Variants in ZNF865 observed in about 807,000 individuals in gnomAD.
ZNF865 encodes the protein zinc finger protein 865.
For synonymous variants in ZNF865, 763 were observed against 750.8 expected, an observed-to-expected ratio of 1.02 and a Z score of -0.27; for missense variants, 1,311 against 1,593.4, an observed-to-expected ratio of 0.82 and a Z score of 3.02.
rs1981384723 is a variant in ZNF865 at position 55,616,965 on chromosome 19, C to T, written c.*167C>T. On this transcript the variant is annotated 3_prime_UTR_variant, in exon 2 of 2. Transcript: ENST00000568956. ...CCGACAGGCTCAAGACTGAATCACTCCCATCCTCGACCTCTCTGCCCTCCC... is the reference window on the plus strand; with the variant it reads ...CCGACAGGCTCAAGACTGAATCACTTCCATCCTCGACCTCTCTGCCCTCCC... 1 of 637,302 alleles carries T rather than the reference C, an allele frequency of 1.6e-6. No individual in the cohort carries two copies. Among genetic ancestry groups the T allele is most frequent in the African/African-American group, 1.9e-5 (1 of 52,268 alleles). 39.5% of individuals were successfully genotyped at this position (637,302 alleles called of 1,614,324 possible). A position where few individuals can be genotyped will look rare whatever the true frequency, so the allele number is the denominator to read the frequency against.
intron 1 of ZNF865, among the ~76,000 whole-genome samples, chr19:55,608,291 A>T (rs1310310108): frequency 2.0e-5 from 3 of 146,410 alleles, no homozygotes; most frequent in African/African-American, 5.0e-5. Context: ...GAGACTGTGG[A>T]GGTCATTGTA....
rs1042149207 is a variant in ZNF865, at chr19:55,611,032, C to T, written c.-26-2561C>T. Among the ~76,000 whole-genome samples, 4 of 152,148 alleles carry T rather than the reference C, an allele frequency of 2.6e-5. No individual in the cohort carries two copies. In the East Asian group the frequency reaches 5.8e-4, roughly 22 times the overall value. On this transcript the variant is annotated intron_variant, in intron 1 of 1. Coordinates refer to ENST00000568956, the MANE Select transcript of ZNF865 (RefSeq NM_001195605.2). The surrounding 1 kb of genome is among the most constrained non-coding windows in gnomAD (Gnocchi z 4.5). ...AGTTCTCCCCTCACCTTTGTTCACT[C>T]GGGGAACAGCCCAGTGAAACACTGC...
Position 55,616,649 on chromosome 19 carries a change from C to CA in ZNF865, c.3032dup (p.His1011GlnfsTer121). On this transcript the variant is annotated frameshift_variant, in exon 2 of 2. Transcript: ENST00000568956. LOFTEE classifies it low-confidence loss of function (END_TRUNC). Reference sequence around the variant, plus strand: ...CTACTTCCGTAAGCACCTGGCTGCCCACCAGGGCGGCCGGCCCTTCCGCTG... The same window carrying CA: ...CTACTTCCGTAAGCACCTGGCTGCCCAACCAGGGCGGCCGGCCCTTCCGCTG... The CA allele has an allele frequency of 6.5e-7, 1 of 1,529,406 alleles. No homozygotes were observed. The highest frequency in any genetic ancestry group is 8.7e-7 in the Non-Finnish European group (1 of 1,143,708). The allele number at this position is 1,529,406 out of a possible 1,614,324, so 94.7% of individuals were successfully genotyped here.
At position 55,613,912 on chromosome 19, in the gene ZNF865, GTCC is replaced by G. The variant is rs761424663; in HGVS notation, c.309_311del (p.Ser117del). On this transcript the variant is annotated inframe_deletion, in exon 2 of 2. Transcript: ENST00000568956. ...AGGTGCCCTCCTCGTCCTCGTCCTC[GTCC>G]TCCTCCTCCTCCTCTTCGTCCTCCT... The G allele has an allele frequency of 3.9e-4, 584 of 1,502,588 alleles. 1 individual carries two copies. Among genetic ancestry groups the G allele is most frequent in the East Asian group, 4.8e-4 (19 of 39,950 alleles). The allele number at this position is 1,502,588 out of a possible 1,614,324, so 93.1% of individuals were successfully genotyped here.
In ZNF865 at chr19:55,613,806, G is replaced by GCCCCCC; in HGVS notation, c.189_194dup (p.Pro65_Pro66dup). The GCCCCCC allele has an allele frequency of 6.9e-7, 1 of 1,456,328 alleles. No individual in the cohort carries two copies. The highest frequency in any genetic ancestry group is 1.3e-5 in the South Asian group (1 of 75,724). The allele number at this position is 1,456,328 out of a possible 1,614,324, so 90.2% of individuals were successfully genotyped here. Reference sequence around the variant, plus strand: ...GTGGCGGCCCTGCCCTGCGCCCCCGGCCCCCCGCCGCAGCCCCCGCCGCAG... The same window carrying GCCCCCC: ...GTGGCGGCCCTGCCCTGCGCCCCCGGCCCCCCCCCCCCGCCGCAGCCCCCGCCGCAG... On this transcript the variant is annotated inframe_insertion, in exon 2 of 2. Coordinates refer to ENST00000568956, the MANE Select transcript of ZNF865 (RefSeq NM_001195605.2).
rs1048729708 is a variant in ZNF865 at position 55,613,927 on chromosome 19, C to CTCTTCGTCCTCCTCGTCGTCA, written c.321_341dup (p.Ser111_Ser117dup). The CTCTTCGTCCTCCTCGTCGTCA allele has an allele frequency of 5.4e-5, 82 of 1,527,850 alleles. No individual in the cohort carries two copies. Among genetic ancestry groups the CTCTTCGTCCTCCTCGTCGTCA allele is most frequent in the Non-Finnish European group, 6.8e-5 (78 of 1,140,360 alleles). 94.6% of individuals were successfully genotyped at this position (1,527,850 alleles called of 1,614,324 possible). On this transcript the variant is annotated inframe_insertion, in exon 2 of 2. Coordinates refer to ENST00000568956, the MANE Select transcript of ZNF865 (RefSeq NM_001195605.2). ...CCTCGTCCTCGTCCTCCTCCTCCTC[C>CTCTTCGTCCTCCTCGTCGTCA]TCTTCGTCCTCCTCGTCGTCATCTT...
intron 1 of ZNF865, among the ~76,000 whole-genome samples, chr19:55,608,179 G>A (rs1173181369): frequency 6.6e-6 from 1 of 152,120 alleles, no homozygotes; most frequent in Non-Finnish European, 1.5e-5. Flanking sequence ...GAAGGGGTGA[G>A]CGAGATGGTT....
intron 1 of ZNF865, among the ~76,000 whole-genome samples, chr19:55,608,363 G>A (rs1412302806): frequency 6.9e-6 from 1 of 144,066 alleles, no homozygotes; most frequent in African/African-American, 2.7e-5. Context: ...TGCCCAGGCT[G>A]GAGTGCAGTG....
Position 55,613,774 on chromosome 19 carries a change from C to A in ZNF865, c.156C>A (p.Ala52=). ...FEPMELYGEH[A]KAVAALPCAP... ...CCATGGAACTGTATGGGGAACACGC[C>A]AAGGCGGTGGCGGCCCTGCCCTGCG... is the stretch of plus-strand genomic sequence containing the variant. Residue 52 remains alanine (A), a synonymous_variant, in exon 2 of 2, where the codon GCC becomes GCA. Transcript: ENST00000568956. The A allele has an allele frequency of 6.5e-7, 1 of 1,533,976 alleles. No homozygotes were observed. The highest frequency in any genetic ancestry group is 1.2e-5 in the South Asian group (1 of 84,006).
rs1291621944 is a variant in ZNF865, at chr19:55,615,013, G to A, written c.1395G>A (p.Pro465=). ...TCCGCCACAAGGCCGCCCACGCCCC[G>A]CCCGCTGCCGCTGCGGAGGCGCCCA... ...SLLRHKAAHA[P]PAAAAEAPKD... Residue 465 remains proline, a synonymous_variant, in exon 2 of 2, where the codon CCG becomes CCA. Coordinates refer to ENST00000568956, the MANE Select transcript of ZNF865 (RefSeq NM_001195605.2). The A allele has an allele frequency of 2.8e-5, 38 of 1,350,698 alleles. No homozygotes were observed. Among genetic ancestry groups the A allele is most frequent in the Admixed American group, 3.9e-5 (1 of 25,540 alleles). 83.7% of individuals were successfully genotyped at this position (1,350,698 alleles called of 1,614,324 possible).
In ZNF865 at chr19:55,617,197, T is replaced by C. The variant is rs1020052155; in HGVS notation, c.*399T>C. On this transcript the variant is annotated 3_prime_UTR_variant, in exon 2 of 2. Coordinates refer to ENST00000568956, the MANE Select transcript of ZNF865 (RefSeq NM_001195605.2). ...AGGGAGTGCTGGGTGCTTTTTGGGGTGGGGGGGTGGGGGGCGGGGTGGCAG... is the reference window on the plus strand; with the variant it reads ...AGGGAGTGCTGGGTGCTTTTTGGGGCGGGGGGGTGGGGGGCGGGGTGGCAG... 8 of 5,630 alleles carry C rather than the reference T, an allele frequency of 1.4e-3. No homozygotes were observed. The highest frequency in any genetic ancestry group is 2.1e-3 in the Non-Finnish European group (6 of 2,866). The allele number at this position is 5,630 out of a possible 1,614,324, so 0.3% of individuals were successfully genotyped here. A position where few individuals can be genotyped will look rare whatever the true frequency, so the allele number is the denominator to read the frequency against.
At position 55,615,364 on chromosome 19, in the gene ZNF865, G is replaced by A. The variant is rs776329110; in HGVS notation, c.1746G>A (p.Val582=). Residue 582 remains valine (V), a synonymous_variant, in exon 2 of 2, where the codon GTG becomes GTA. Transcript: ENST00000568956. ...GCGAGAAGCCCCACCAGTGCCCCGTGTGTGGGAAGCGCTTCCGCGAATCCT... is the reference window on the plus strand; with the variant it reads ...GCGAGAAGCCCCACCAGTGCCCCGTATGTGGGAAGCGCTTCCGCGAATCCT... The part of the protein sequence containing the change: ...HTGEKPHQCP[V]CGKRFRESFH... The A allele has an allele frequency of 2.9e-5, 44 of 1,508,778 alleles. No homozygotes were observed. Among genetic ancestry groups the A allele is most frequent in the Admixed American group, 1.3e-4 (6 of 45,676 alleles). 93.5% of individuals were successfully genotyped at this position (1,508,778 alleles called of 1,614,324 possible). A position where few individuals can be genotyped will look rare whatever the true frequency, so the allele number is the denominator to read the frequency against.
Position 55,613,611 on chromosome 19 carries a change from C to G in ZNF865, c.-8C>G, listed in dbSNP as rs530298924. 2.0e-6 allele frequency: 3 copies of G among 1,507,362 alleles called. No individual in the cohort carries two copies. Among genetic ancestry groups the G allele is most frequent in the Non-Finnish European group, 2.6e-6 (3 of 1,132,696 alleles). 93.4% of individuals were successfully genotyped at this position (1,507,362 alleles called of 1,614,324 possible). Reference sequence around the variant, plus strand: ...TTCACAGGGTCTCCCGTCTCCCACCCGCCGGAGATGGAGGCGAACCCAGCG... The same window carrying G: ...TTCACAGGGTCTCCCGTCTCCCACCGGCCGGAGATGGAGGCGAACCCAGCG... On this transcript the variant is annotated 5_prime_UTR_variant, in exon 2 of 2. Transcript: ENST00000568956.
Position 55,611,115 on chromosome 19 carries a change from G to C in ZNF865, c.-26-2478G>C, listed in dbSNP as rs1169759357. On this transcript the variant is annotated intron_variant, in intron 1 of 1. Transcript: ENST00000568956. This position sits in a 1 kb window ranked among gnomAD's most constrained non-coding sequence, Gnocchi z 4.5. ...CCATTGATCCAGACTCCTACTCCGT[G>C]ACCATGGCAACTCACTTTGCCTCTC... 1.3e-5 allele frequency among the ~76,000 whole-genome samples: 2 copies of C among 152,174 alleles called. No individual in the cohort carries two copies. Among genetic ancestry groups the C allele is most frequent in the Non-Finnish European group, 2.9e-5 (2 of 68,032 alleles).
chr19:55,615,423 G>A lies in ZNF865; in HGVS notation c.1805G>A (p.Arg602His). Residue 602 changes from arginine to histidine, a missense_variant, in exon 2 of 2, where the codon CGC becomes CAC. By Grantham distance (29) the Arg-to-His change is conservative. Coordinates refer to ENST00000568956, the MANE Select transcript of ZNF865 (RefSeq NM_001195605.2). The stretch of plus-strand genomic sequence containing the variant: ...AGCAAGCATCACGTGGTGCACACGC[G>A]CGAGCGGCCCTACAAGTGCGAGCTC... ...HLSKHHVVHT[R>H]ERPYKCELCG... The A allele has an allele frequency of 2.0e-6, 3 of 1,494,766 alleles. No homozygotes were observed. The highest frequency in any genetic ancestry group is 2.7e-6 in the Non-Finnish European group (3 of 1,126,678). 92.6% of individuals were successfully genotyped at this position (1,494,766 alleles called of 1,614,324 possible).
rs942197477 is a variant in ZNF865, at chr19:55,614,188, C to T, written c.570C>T (p.Pro190=). ...PAGAPGPLPA[P]SQTPPGPPAA... ...GGGCCCCAGGGCCGCTTCCTGCCCC[C>T]TCGCAGACCCCGCCAGGACCCCCCG... Residue 190 remains proline, a synonymous_variant, in exon 2 of 2, where the codon CCC becomes CCT. Transcript: ENST00000568956. The surrounding 1 kb of genome is among the most constrained non-coding windows in gnomAD (Gnocchi z 8.0). 2.0e-6 allele frequency: 3 copies of T among 1,496,338 alleles called. No homozygotes were observed. The highest frequency in any genetic ancestry group is 2.7e-5 in the East Asian group (1 of 37,018). The allele number at this position is 1,496,338 out of a possible 1,614,324, so 92.7% of individuals were successfully genotyped here.
In ZNF865 at chr19:55,615,580, C is replaced by G. The variant is rs533987987; in HGVS notation, c.1962C>G (p.Pro654=). ...AAGGCACACCGGGGGCCTGTGGGCC[C>G]GGGGCCTCGGGCACGTCTGCAGGGC... The part of the protein sequence containing the change: ...STQGTPGACG[P]GASGTSAGPT... Residue 654 remains proline, a synonymous_variant, in exon 2 of 2, where the codon CCC becomes CCG. Transcript: ENST00000568956. 4.3e-5 allele frequency: 66 copies of G among 1,529,674 alleles called. 1 individual carries two copies. In the South Asian group the frequency reaches 6.8e-4, roughly 16 times the overall value. The allele number at this position is 1,529,674 out of a possible 1,614,324, so 94.8% of individuals were successfully genotyped here. A position where few individuals can be genotyped will look rare whatever the true frequency, so the allele number is the denominator to read the frequency against.
At position 55,614,524 on chromosome 19, in the gene ZNF865, C is replaced by A. The variant is rs909632199; in HGVS notation, c.906C>A (p.Ser302Arg). The A allele has an allele frequency of 3.0e-6, 4 of 1,352,334 alleles. No individual in the cohort carries two copies. The highest frequency in any genetic ancestry group is 3.8e-6 in the Non-Finnish European group (4 of 1,059,746). The allele number at this position is 1,352,334 out of a possible 1,614,324, so 83.8% of individuals were successfully genotyped here. The change falls in exon 2 of 2, where the codon AGC becomes AGA. Residue 302 changes from serine to arginine, a missense_variant. Physicochemically the swap from Ser to Arg is moderately radical, Grantham distance 110. Coordinates refer to ENST00000568956, the MANE Select transcript of ZNF865 (RefSeq NM_001195605.2). The surrounding 1 kb of genome is among the most constrained non-coding windows in gnomAD (Gnocchi z 8.0). ...PPLGLPAPAASAATAAAPSTV... is the reference protein window; with the variant it reads ...PPLGLPAPAARAATAAAPSTV... Reference sequence around the variant, plus strand: ...TGGGCCTCCCAGCACCCGCTGCCAGCGCCGCCACCGCCGCCGCCCCCTCCA... The same window carrying A: ...TGGGCCTCCCAGCACCCGCTGCCAGAGCCGCCACCGCCGCCGCCCCCTCCA...
intron 1 of ZNF865, among the ~76,000 whole-genome samples, chr19:55,607,616 GAGAT>G (rs1295055800): frequency 6.6e-6 from 1 of 152,114 alleles, no homozygotes; most frequent in Non-Finnish European, 1.5e-5. Flanking sequence ...ACGGGATAAA[GAGAT>G]AGACCTGGGG....
Sources: allele counts gnomAD v4.1 joint callset (sites outside exome capture counted in the v4.1 genomes callset), GRCh38; gene constraint gnomAD v4.1.1; non-coding constraint Gnocchi (gnomAD v3.1); transcripts MANE v1.5; gene names NCBI Gene and HGNC (gene_info 2026-07-23, HGNC 2026-07-21).